Variants in TENM3 observed in about 807,000 individuals in gnomAD.
TENM3 encodes the protein teneurin transmembrane protein 3, also known as teneurin-3.
A neutral mutation model predicts 255.1 loss-of-function variants in TENM3; 63 were observed. The observed-to-expected ratio is 0.25, with a 90% confidence interval of 0.20 to 0.30. The LOEUF (loss-of-function observed/expected upper bound fraction) is 0.30, where lower values mean the gene tolerates loss of function less well. Ranked by LOEUF, TENM3 falls within the 10% of genes least tolerant of loss-of-function variation. TENM3 has a pLI of 1.00. For missense variants in TENM3, 2,929 were observed against 3,461.1 expected (o/e 0.85, Z 3.86); for synonymous variants, 1,306 against 1,322.3 (o/e 0.99, Z 0.27).
At chr4:182,674,445 T>C (rs1021127548) in intron 7 of TENM3, among the ~76,000 whole-genome samples, 3 of 152,162 alleles carry the variant, frequency 2.0e-5, no homozygotes, top group Admixed American at 6.5e-5. Context: ...TCATTTTTCC[T>C]ATTTAATATT....
chr4:182,628,307 G>T (rs1056345534), intron 4 of TENM3, among the ~76,000 whole-genome samples: 2 of 151,974 alleles, frequency 1.3e-5, no homozygotes, highest in Non-Finnish European at 2.9e-5. Flanking sequence ...ATTCATCAAG[G>T]GACATTCCAA....
intron 3 of TENM3, among the ~76,000 whole-genome samples, chr4:182,387,288 T>G (rs1336636094): frequency 1.3e-5 from 2 of 152,192 alleles, no homozygotes; most frequent in African/African-American, 2.4e-5. Context: ...ACACTCTGTA[T>G]CTAGCTGCTC....
intron 3 of TENM3, among the ~76,000 whole-genome samples, chr4:182,446,567 G>C (rs1342787728): frequency 6.6e-6 from 1 of 151,692 alleles, no homozygotes; most frequent in African/African-American, 2.4e-5. Context: ...GCTAACTTGT[G>C]GTTGTCAAAA....
At chr4:182,315,235 C>T (rs911567008) in intron 1 of TENM3, among the ~76,000 whole-genome samples, 1 of 152,056 alleles carries the variant, frequency 6.6e-6, no homozygotes, top group Non-Finnish European at 1.5e-5. Flanking sequence ...GCTGTTTATT[C>T]CTTTGTATAG....
the TENM3 span, among the ~76,000 whole-genome samples, chr4:181,744,530 T>C: frequency 6.6e-6 from 1 of 152,156 alleles, no homozygotes; most frequent in South Asian, 2.1e-4. Context: ...TTCTGACTGA[T>C]GTGATGTAGT....
At chr4:182,170,019 A>T (rs1294538982) in intron 1 of TENM3, among the ~76,000 whole-genome samples, 5 of 150,928 alleles carry the variant, frequency 3.3e-5, no homozygotes, top group African/African-American at 1.2e-4. Context: ...ATGAATGGAG[A>T]TTCTGCCACT....
At chr4:181,605,312 G>A in the TENM3 span, among the ~76,000 whole-genome samples, 5 of 151,630 alleles carry the variant, frequency 3.3e-5, no homozygotes, top group African/African-American at 1.2e-4. Flanking sequence ...AGAATTAGCC[G>A]GGTGTGCCTG....
At chr4:181,803,589 C>A in the TENM3 span, among the ~76,000 whole-genome samples, 1 of 152,104 alleles carries the variant, frequency 6.6e-6, no homozygotes, top group Admixed American at 6.5e-5. Context: ...TCAGATGCCT[C>A]CATGGTCCAG....
intron 1 of TENM3, among the ~76,000 whole-genome samples, chr4:182,236,073 T>C (rs2150040073): frequency 6.6e-6 from 1 of 152,238 alleles, no homozygotes; most frequent in Admixed American, 6.5e-5. Flanking sequence ...GGGAGGATAG[T>C]GAAGGAAGAA....
the TENM3 span, among the ~76,000 whole-genome samples, chr4:181,751,154 T>C: frequency 6.6e-6 from 1 of 152,142 alleles, no homozygotes; most frequent in Admixed American, 6.6e-5. Flanking sequence ...TTAGCACTTA[T>C]TTTGTTAAAA....
At chr4:182,796,832 T>C in intron 27 of TENM3, 65 bp downstream of exon 27, 1 of 1,299,596 alleles carries the variant, frequency 7.7e-7, no homozygotes, top group Non-Finnish European at 1.1e-6. Context: ...CCATATCTAA[T>C]CAAACTACCC....
chr4:182,745,628 C>T lies in TENM3; in HGVS notation c.3629+2209C>T, dbSNP rs148631174. ...GAGATTATGTATCTTCCCCAAAATA[C>T]ATATCTAAGAAATGGGTAGCAGACA... is the stretch of plus-strand genomic sequence containing the variant. On this transcript the variant is annotated intron_variant, in intron 19 of 27. Coordinates refer to ENST00000511685, the MANE Select transcript of TENM3 (RefSeq NM_001080477.4). Among the ~76,000 whole-genome samples the T allele has an allele frequency of 1.3e-3, 198 of 152,188 alleles. 1 individual carries two copies. Among genetic ancestry groups the T allele is most frequent in the African/African-American group, 4.4e-3 (181 of 41,538 alleles).
At chr4:182,560,890 A>G (rs1024668412) in intron 3 of TENM3, among the ~76,000 whole-genome samples, 3 of 152,212 alleles carry the variant, frequency 2.0e-5, no homozygotes, top group Middle Eastern at 3.2e-3. Context: ...TGTTTTAGAG[A>G]TAGTCTCTAT....
chr4:182,221,049 A>G (rs910306108), intron 1 of TENM3, among the ~76,000 whole-genome samples: 3 of 152,214 alleles, frequency 2.0e-5, no homozygotes, highest in Non-Finnish European at 4.4e-5. Context: ...TCTCGATGAA[A>G]AGCATGGTTG....
At chr4:182,031,898 A>AT in the TENM3 span, among the ~76,000 whole-genome samples, 21 of 152,128 alleles carry the variant, frequency 1.4e-4, no homozygotes, top group Non-Finnish European at 2.2e-4. Flanking sequence ...TTGCACATTG[A>AT]TTTTGTATCC....
intron 3 of TENM3, among the ~76,000 whole-genome samples, chr4:182,535,823 TTAA>T (rs1341707742): frequency 3.3e-5 from 5 of 152,072 alleles, no homozygotes; most frequent in Non-Finnish European, 7.4e-5. Context: ...TTATTATATG[TTAA>T]TAATACCTAC....
the TENM3 span, among the ~76,000 whole-genome samples, chr4:181,683,957 A>G: frequency 2.0e-5 from 3 of 152,202 alleles, no homozygotes; most frequent in East Asian, 3.9e-4. Context: ...TGAGAATCCA[A>G]TGGGTTAAAC....
chr4:182,555,630 T>C (rs1742507793), intron 3 of TENM3, among the ~76,000 whole-genome samples: 1 of 152,112 alleles, frequency 6.6e-6, no homozygotes, highest in Non-Finnish European at 1.5e-5. Context: ...TACAAATAAA[T>C]ACCATGTCAA....
At chr4:181,842,211 A>G in the TENM3 span, among the ~76,000 whole-genome samples, 1 of 152,204 alleles carries the variant, frequency 6.6e-6, no homozygotes, top group African/African-American at 2.4e-5. Flanking sequence ...ATTACCTGTG[A>G]TCTTCCTAAA....
Sources: gnomAD v4.1 joint callset for allele counts (sites outside exome capture counted in the v4.1 genomes callset) on GRCh38, gnomAD v4.1.1 for gene constraint, MANE v1.5 for transcripts, NCBI Gene and HGNC (gene_info 2026-07-23, HGNC 2026-07-21) for gene names.